IRF7: variants seen among roughly 807,000 people sequenced by gnomAD.
IRF7 encodes interferon regulatory factor 7.
A neutral mutation model predicts 51.3 loss-of-function variants in IRF7; 67 were observed. The ratio of observed to expected loss-of-function variants is 1.31; its 90% CI spans 1.07 to 1.60. The LOEUF (loss-of-function observed/expected upper bound fraction) is 1.60, where lower values mean the gene tolerates loss of function less well. IRF7 is among the 40% of genes most tolerant of loss of function. The pLI is 0.00. For missense variants in IRF7, 873 were observed against 701.5 expected (o/e 1.24, Z -2.76); for synonymous variants, 427 against 301.3 (o/e 1.42, Z -4.32).
Position 614,037 on chromosome 11 carries a change from C to T in IRF7, c.680G>A (p.Gly227Asp), listed in dbSNP as rs1162516129. The T allele has an allele frequency of 4.4e-6, 7 of 1,606,720 alleles. No homozygotes were observed. Among genetic ancestry groups the T allele is most frequent in the Non-Finnish European group, 5.1e-6 (6 of 1,177,364 alleles). Residue 227 changes from glycine (G) to aspartate (D), a missense_variant and splice_region_variant, in exon 7 of 11, where the codon GGC (glycine) becomes GAC (aspartate). Coordinates refer to ENST00000525445, the MANE Select transcript of IRF7 (RefSeq NM_001572.5). ...CAGCTCCCCAGCAGGGAGCCCTGGG[C>T]CTGAGGAGGGGAGGACAGTGGGAAC... is the stretch of plus-strand genomic sequence containing the variant. ...GLPLTGACAG[G>D]PGLPAGELYG...
intron 4 of IRF7, 77 bp from the exon 5 acceptor site, chr11:614,611 C>A: frequency 6.6e-7 from 1 of 1,513,130 alleles, no homozygotes; most frequent in African/African-American, 1.4e-5. Context: ...TAGCCCCCAC[C>A]AGCTTCCTGG....
At position 615,587 on chromosome 11, in the gene IRF7, C is replaced by T. The variant is rs1856798238; in HGVS notation, c.-223G>A. The T allele has an allele frequency of 2.0e-6, 1 of 495,382 alleles. No homozygotes were observed. Among genetic ancestry groups the T allele is most frequent in the African/African-American group, 2.0e-5 (1 of 50,296 alleles). 30.7% of individuals were successfully genotyped at this position (495,382 alleles called of 1,614,324 possible). ...TGACTGCAGGTGTGGCCGGCGCGCA[C>T]ACATGAAGTCACAGGTGTTGAACCA... On this transcript the variant is annotated 5_prime_UTR_variant, in exon 2 of 11. In the 5' UTR this introduces an upstream ATG that the reference lacks. Transcript: ENST00000525445.
chr11:615,343 ACC>A lies in IRF7; in HGVS notation c.20_20+1del, dbSNP rs1856782686. The A allele has an allele frequency of 2.0e-6, 3 of 1,533,134 alleles. No homozygotes were observed. In the Middle Eastern group the frequency reaches 5.2e-4, roughly 266 times the overall value. 95.0% of individuals were successfully genotyped at this position (1,533,134 alleles called of 1,614,324 possible). A position where few individuals can be genotyped will look rare whatever the true frequency, so the allele number is the denominator to read the frequency against. On this transcript the variant is annotated splice_donor_variant and coding_sequence_variant, in exon 2 of 11. Transcript: ENST00000525445. LOFTEE classifies it high-confidence loss of function. ...TCTGGAGAGGGTGGGCCGGGCTCTT[ACC>A]TCTCAGGAGCCAAGGCCATTGCTCC...
chr11:613,966 CGGGCTGGGGCCCG>C lies in IRF7; in HGVS notation c.738_750del (p.Gly247ArgfsTer3), dbSNP rs779826882. 78 of 1,606,434 alleles carry C rather than the reference CGGGCTGGGGCCCG, an allele frequency of 4.9e-5. No individual in the cohort carries two copies. Among genetic ancestry groups the C allele is most frequent in the Admixed American group, 1.7e-4 (10 of 57,938 alleles). ...CCCCTCTCACCTGTCGTTAGTGCCG[CGGGCTGGGGCCCG>C]GGGCTGGGGGTCGTCTCTACTGCCC... is the stretch of plus-strand genomic sequence containing the variant. On this transcript the variant is annotated frameshift_variant, in exon 7 of 11. Coordinates refer to ENST00000525445, the MANE Select transcript of IRF7 (RefSeq NM_001572.5). LOFTEE classifies it high-confidence loss of function.
chr11:615,432 G>T lies in IRF7; in HGVS notation c.-68C>A. 3 of 1,438,042 alleles carry T rather than the reference G, an allele frequency of 2.1e-6. No individual in the cohort carries two copies. Among genetic ancestry groups the T allele is most frequent in the Non-Finnish European group, 2.7e-6 (3 of 1,095,942 alleles). The allele number at this position is 1,438,042 out of a possible 1,614,324, so 89.1% of individuals were successfully genotyped here. A position where few individuals can be genotyped will look rare whatever the true frequency, so the allele number is the denominator to read the frequency against. ...AACAGGGGAGGTAAGGGCTCCTGTC[G>T]CAGCAGACGCCAGGCCGCGGCCACA... is the stretch of plus-strand genomic sequence containing the variant. On this transcript the variant is annotated 5_prime_UTR_variant, in exon 2 of 11. Coordinates refer to ENST00000525445, the MANE Select transcript of IRF7 (RefSeq NM_001572.5).
chr11:615,675 G>A (rs1423184780), intron 1 of IRF7, 28 bp from the exon 2 acceptor site: 1 of 393,970 alleles, frequency 2.5e-6, no homozygotes, highest in Non-Finnish European at 4.5e-6. Flanking sequence ...GCGACGTCAG[G>A]GGCGGGTCAG....
rs776833814 is a variant in IRF7 at position 613,493 on chromosome 11, G to A, written c.950C>T (p.Pro317Leu). 4 of 1,542,960 alleles carry A rather than the reference G, an allele frequency of 2.6e-6. No homozygotes were observed. The highest frequency in any genetic ancestry group is 2.5e-5 in the South Asian group (2 of 79,458). ...HPSCTFLYGP[P>L]DPAVRATDPQ... ...GTCTGTGGCCCGGACAGCTGGGTCTGGGGGGCCGTATAGGAACGTGCAGCT... is the reference window on the plus strand; with the variant it reads ...GTCTGTGGCCCGGACAGCTGGGTCTAGGGGGCCGTATAGGAACGTGCAGCT... The change falls in exon 9 of 11, where the codon CCA becomes CTA. Residue 317 changes from proline to leucine, a missense_variant. Transcript: ENST00000525445.
Position 614,471 on chromosome 11 carries a change from G to T in IRF7, c.453+5C>A. On this transcript the variant is annotated splice_donor_5th_base_variant and intron_variant, in intron 5 of 10. Coordinates refer to ENST00000525445, the MANE Select transcript of IRF7 (RefSeq NM_001572.5). ...AGGAGGAGAGGCAGGCAGAGAGAAG[G>T]GTACCTGTGGTGGTGGGACAGCTGC... The T allele has an allele frequency of 6.4e-7, 1 of 1,567,156 alleles. No individual in the cohort carries two copies. Among genetic ancestry groups the T allele is most frequent in the Non-Finnish European group, 8.7e-7 (1 of 1,155,730 alleles).
At chr11:614,649 G>A in intron 4 of IRF7, 115 bp from the exon 5 acceptor site, 2 of 1,413,896 alleles carry the variant, frequency 1.4e-6, no homozygotes, top group South Asian at 1.3e-5. Flanking sequence ...GTGGCCTGAG[G>A]AGGTGGGGAT....
intron 4 of IRF7, 53 bp from the exon 5 acceptor site, chr11:614,587 A>G (rs1589922629): frequency 6.5e-7 from 1 of 1,541,968 alleles, no homozygotes; most frequent in Non-Finnish European, 8.8e-7. Flanking sequence ...GAGAGATACA[A>G]GGAGAGCCTG....
At chr11:614,735 G>A in intron 4 of IRF7, 62 bp downstream of exon 4, 1 of 1,483,036 alleles carries the variant, frequency 6.7e-7, no homozygotes, top group African/African-American at 1.4e-5. Flanking sequence ...CTGACCCAGA[G>A]AATGTTCCCC....
chr11:615,685 G>C, intron 1 of IRF7, 38 bp from the exon 2 acceptor site: 1 of 388,904 alleles, frequency 2.6e-6, no homozygotes, highest in African/African-American at 2.1e-5. Flanking sequence ...GGGCGGGTCA[G>C]GCTCCCGGGA....
At position 613,939 on chromosome 11, in the gene IRF7, T is replaced by C; in HGVS notation, c.766+12A>G. On this transcript the variant is annotated intron_variant, in intron 7 of 10. Coordinates refer to ENST00000525445, the MANE Select transcript of IRF7 (RefSeq NM_001572.5). ...CCTGTGCCCCAGGCCTCCCAACCCC[T>C]ACCCCTCTCACCTGTCGTTAGTGCC... 7.5e-6 allele frequency: 12 copies of C among 1,605,148 alleles called. No homozygotes were observed. Among genetic ancestry groups the C allele is most frequent in the Non-Finnish European group, 1.0e-5 (12 of 1,177,062 alleles).
At chr11:614,752 C>T (rs953933785) in intron 4 of IRF7, 45 bp downstream of exon 4, 3 of 1,506,186 alleles carry the variant, frequency 2.0e-6, no homozygotes, top group Admixed American at 2.2e-5. Context: ...CCCCTTTGCC[C>T]AAGCAGGACG....
Position 614,271 on chromosome 11 carries a change from G to A in IRF7, c.582C>T (p.Asp194=). 7 of 1,612,554 alleles carry A rather than the reference G, an allele frequency of 4.3e-6. No individual in the cohort carries two copies. The highest frequency in any genetic ancestry group is 1.7e-4 in the Middle Eastern group (1 of 6,060). The change falls in exon 6 of 11, where the codon GAC becomes GAT. Residue 194 remains aspartate, a synonymous_variant. Transcript: ENST00000525445. ...LQAVQQSCLA[D]HLLTASWGAD... ...CCCCCCATGACGCTGTCAGCAGATG[G>A]TCTGCCAGGCAGCTCTGTTGCACTG... is the stretch of plus-strand genomic sequence containing the variant.
chr11:612,655 T>G lies in IRF7; in HGVS notation c.1502A>C (p.Gln501Pro). ...TCATTAGACTGGGTTCTAGGCGGGC[T>G]GCTCCAGCTCCATAAGGAAGCACTC... is the stretch of plus-strand genomic sequence containing the variant. ...DIECFLMELE[Q>P]PA Residue 501 changes from glutamine (Q) to proline (P), a missense_variant, in exon 11 of 11, where the codon CAG becomes CCG. Physicochemically the swap from Gln to Pro is moderately conservative, Grantham distance 76. Transcript: ENST00000525445. 6.2e-7 allele frequency: 1 copy of G among 1,612,960 alleles called. No individual in the cohort carries two copies. Among genetic ancestry groups the G allele is most frequent in the Non-Finnish European group, 8.5e-7 (1 of 1,179,984 alleles).
Position 614,407 on chromosome 11 carries a change from G to GA in IRF7, c.454-9dup. ...TGGCCCTGGGGGCCCACCCTGCAGGGAAAAGTCAGGGTGAACGTAAGCAGC... is the reference window on the plus strand; with the variant it reads ...TGGCCCTGGGGGCCCACCCTGCAGGGAAAAAGTCAGGGTGAACGTAAGCAGC... On this transcript the variant is annotated splice_polypyrimidine_tract_variant and intron_variant, in intron 5 of 10. Transcript: ENST00000525445. The GA allele has an allele frequency of 6.3e-7, 1 of 1,596,838 alleles. No individual in the cohort carries two copies. The highest frequency in any genetic ancestry group is 8.5e-7 in the Non-Finnish European group (1 of 1,172,062).
Position 614,251 on chromosome 11 carries a change from C to G in IRF7, c.602G>C (p.Trp201Ser), listed in dbSNP as rs755499829. The G allele has an allele frequency of 1.9e-6, 3 of 1,612,846 alleles. No individual in the cohort carries two copies. The highest frequency in any genetic ancestry group is 2.2e-5 in the East Asian group (1 of 44,840). The change falls in exon 6 of 11, where the codon TGG becomes TCG. Residue 201 changes from tryptophan to serine, a missense_variant. Transcript: ENST00000525445. Reference sequence around the variant, plus strand: ...CTTGGTTGGGACTGGATCTGCCCCCCATGACGCTGTCAGCAGATGGTCTGC... The same window carrying G: ...CTTGGTTGGGACTGGATCTGCCCCCGATGACGCTGTCAGCAGATGGTCTGC... ...CLADHLLTAS[W>S]GADPVPTKAP...
chr11:613,722 G>A (rs1185238928), intron 8 of IRF7, 63 bp downstream of exon 8: 64 of 1,131,334 alleles, frequency 5.7e-5, no homozygotes, highest in East Asian at 4.5e-4. Flanking sequence ...TGGGTGGGCG[G>A]GGACAAGCCG....
Sources: gnomAD v4.1 joint callset for allele counts on GRCh38, gnomAD v4.1.1 for gene constraint, MANE v1.5 for transcripts, NCBI Gene and HGNC (gene_info 2026-07-23, HGNC 2026-07-21) for gene names.